ANKRD45: variants seen among roughly 807,000 people sequenced by gnomAD.
ANKRD45 encodes the protein ankyrin repeat domain-containing protein 45.
In ANKRD45, 21 loss-of-function variants were observed where a neutral mutation model predicts 28.1. The observed-to-expected ratio is 0.75, with a 90% CI of 0.53 to 1.08. The LOEUF is 1.08. ANKRD45 is among the 50% of genes least tolerant of loss of function. The pLI is 0.00. For synonymous variants in ANKRD45, 86 were observed against 103.9 expected (o/e 0.83, Z 1.05); for missense variants, 261 against 308.7 (o/e 0.85, Z 1.16).
chr1:173,635,125 AG>A (rs1486507572), intron 3 of ANKRD45, among the ~76,000 whole-genome samples: 2 of 152,052 alleles, frequency 1.3e-5, no homozygotes, highest in Non-Finnish European at 2.9e-5. Flanking sequence ...ATATTAGTAA[AG>A]TGTTCACTTT....
At chr1:173,677,575 C>T in the ANKRD45 span, among the ~76,000 whole-genome samples, 2 of 152,018 alleles carry the variant, frequency 1.3e-5, no homozygotes, top group Non-Finnish European at 2.9e-5. Context: ...AATTTCTGGC[C>T]CTCTGTCTCA....
chr1:173,695,293 C>G, the ANKRD45 span, among the ~76,000 whole-genome samples: 1 of 152,032 alleles, frequency 6.6e-6, no homozygotes, highest in Non-Finnish European at 1.5e-5. Flanking sequence ...ATGAGTGATC[C>G]TGTCACCCAG....
chr1:173,665,354 A>T (rs1669961980), intron 1 of ANKRD45, among the ~76,000 whole-genome samples: 1 of 152,124 alleles, frequency 6.6e-6, no homozygotes, highest in Non-Finnish European at 1.5e-5. Context: ...CTTCTTTTTT[A>T]ATATGCCATA....
the ANKRD45 span, among the ~76,000 whole-genome samples, chr1:173,687,752 G>A: frequency 1.3e-5 from 2 of 152,078 alleles, no homozygotes; most frequent in African/African-American, 4.8e-5. Context: ...GCACATTTGA[G>A]CAGACCAATT....
At chr1:173,626,229 T>C (rs890210297) in intron 4 of ANKRD45, among the ~76,000 whole-genome samples, 5 of 152,198 alleles carry the variant, frequency 3.3e-5, no homozygotes, top group African/African-American at 1.2e-4. Flanking sequence ...TCACAGGAAA[T>C]TCACAGAGCA....
the ANKRD45 span, among the ~76,000 whole-genome samples, chr1:173,690,702 C>G: frequency 6.6e-6 from 1 of 152,184 alleles, no homozygotes; most frequent in Non-Finnish European, 1.5e-5. Context: ...CTCTCATTAT[C>G]TTTCCAGTGT....
intron 4 of ANKRD45, 72 bp from the exon 5 acceptor site, chr1:173,624,997 C>T: frequency 6.8e-7 from 1 of 1,475,492 alleles, no homozygotes; most frequent in South Asian, 1.3e-5. Context: ...ATCTCTAAAC[C>T]AGCACGTCCA....
At chr1:173,610,954 C>T (rs997670844) in intron 5 of ANKRD45, among the ~76,000 whole-genome samples, 2 of 152,308 alleles carry the variant, frequency 1.3e-5, no homozygotes, top group Non-Finnish European at 1.5e-5. Context: ...ATCCTCCGTA[C>T]TTAATCTCTC....
rs544825312 is a variant in ANKRD45 at position 173,609,018 on chromosome 1, A to G, written c.*1127T>C. On this transcript the variant is annotated 3_prime_UTR_variant, in exon 6 of 6. Coordinates refer to ENST00000333279, the MANE Select transcript of ANKRD45 (RefSeq NM_198493.3). ...AGGGAGAAGGAGGGTAAAAAAAAAAAAGGAGCAAACACAGGTCTTCTTTGT... is the reference window on the plus strand; with the variant it reads ...AGGGAGAAGGAGGGTAAAAAAAAAAGAGGAGCAAACACAGGTCTTCTTTGT... Among the ~76,000 whole-genome samples the G allele has an allele frequency of 3.3e-5, 5 of 151,882 alleles. No homozygotes were observed. The East Asian group carries it at 9.7e-4, about 29-fold the overall frequency.
At chr1:173,657,014 G>A (rs1419930832) in intron 2 of ANKRD45, among the ~76,000 whole-genome samples, 1 of 147,744 alleles carries the variant, frequency 6.8e-6, no homozygotes, top group Non-Finnish European at 1.5e-5. Context: ...CTGGGCTCAA[G>A]CTATGCTCCC....
chr1:173,650,261 C>A (rs1029072843), intron 2 of ANKRD45, among the ~76,000 whole-genome samples: 5 of 152,182 alleles, frequency 3.3e-5, no homozygotes, highest in Admixed American at 3.3e-4. Flanking sequence ...CACCAACCCC[C>A]TGCCCTATAA....
chr1:173,658,882 T>C, intron 2 of ANKRD45: 5 of 707,780 alleles, frequency 7.1e-6, no homozygotes, highest in Non-Finnish European at 9.8e-6. Flanking sequence ...AGCTAATAAA[T>C]AGTAAAGTCT....
At chr1:173,664,247 T>C (rs1276835078) in intron 1 of ANKRD45, among the ~76,000 whole-genome samples, 1 of 152,250 alleles carries the variant, frequency 6.6e-6, no homozygotes, top group Non-Finnish European at 1.5e-5. Flanking sequence ...TTTCCTGGTA[T>C]AATTTTTAAT....
chr1:173,614,046 T>G (rs1179350580), intron 5 of ANKRD45, among the ~76,000 whole-genome samples: 2 of 152,130 alleles, frequency 1.3e-5, no homozygotes, highest in East Asian at 3.9e-4. Context: ...AAGATGTGCT[T>G]TGTTAAACAG....
intron 3 of ANKRD45, among the ~76,000 whole-genome samples, chr1:173,642,790 T>C (rs1668756372): frequency 6.6e-6 from 1 of 152,186 alleles, no homozygotes; most frequent in Non-Finnish European, 1.5e-5. Flanking sequence ...TTTTGGGAAG[T>C]TCTAAGTTGC....
At chr1:173,634,959 A>C (rs1318041003) in intron 3 of ANKRD45, among the ~76,000 whole-genome samples, 1 of 152,046 alleles carries the variant, frequency 6.6e-6, no homozygotes, top group African/African-American at 2.4e-5. Flanking sequence ...CAAACAAAAA[A>C]ATAAAAGCAG....
intron 3 of ANKRD45, among the ~76,000 whole-genome samples, chr1:173,640,722 T>C (rs891135319): frequency 1.3e-5 from 2 of 152,152 alleles, no homozygotes; most frequent in Non-Finnish European, 2.9e-5. Context: ...GCCCTCTAAC[T>C]GACACAGTTA....
At chr1:173,682,684 T>TACGCGCACACACACACAC in the ANKRD45 span, among the ~76,000 whole-genome samples, 5 of 143,940 alleles carry the variant, frequency 3.5e-5, no homozygotes, top group Non-Finnish European at 6.1e-5. Context: ...GCCTTTTAAA[T>TACGCGCACACACACACAC]ACACACACAC....
At chr1:173,665,023 G>T (rs567582800) in intron 1 of ANKRD45, among the ~76,000 whole-genome samples, 5 of 152,136 alleles carry the variant, frequency 3.3e-5, no homozygotes, top group Non-Finnish European at 7.3e-5. Context: ...TAAATTAGGT[G>T]ATGTACATGC....
Sources: gnomAD v4.1 joint callset for allele counts (sites outside exome capture counted in the v4.1 genomes callset) on GRCh38, gnomAD v4.1.1 for gene constraint, MANE v1.5 for transcripts, NCBI Gene and HGNC (gene_info 2026-07-23, HGNC 2026-07-21) for gene names.